FOCAD: variants seen among roughly 807,000 people sequenced by gnomAD.
FOCAD encodes focadhesin, also known as KIAA1797.
A neutral mutation model predicts 225.6 loss-of-function variants in FOCAD; 198 were observed. That is an observed-to-expected ratio of 0.88 (90% CI 0.78 to 0.99). FOCAD has a LOEUF of 0.99. FOCAD is among the 50% of genes least tolerant of loss of function. FOCAD has a pLI of 0.00. For missense variants in FOCAD, 2,713 were observed against 2,123.6 expected, an observed-to-expected ratio of 1.28 and a Z score of -5.46; for synonymous variants, 897 against 755.0, an observed-to-expected ratio of 1.19 and a Z score of -3.08.
At chr9:20,776,989 T>C (rs1818820789) in intron 8 of FOCAD, among the ~76,000 whole-genome samples, 2 of 152,242 alleles carry the variant, frequency 1.3e-5, no homozygotes. Flanking sequence ...CTTCATTGTT[T>C]TCGACTGTAT....
At chr9:20,952,694 G>A (rs1181491151) in intron 34 of FOCAD, among the ~76,000 whole-genome samples, 7 of 147,054 alleles carry the variant, frequency 4.8e-5, no homozygotes, top group African/African-American at 1.5e-4. Flanking sequence ...TGTGGAAAGG[G>A]TTTTTTTTTT....
intron 4 of FOCAD, among the ~76,000 whole-genome samples, chr9:20,731,020 G>A (rs1359666503): frequency 1.3e-5 from 2 of 152,152 alleles, no homozygotes; most frequent in African/African-American, 2.4e-5. Flanking sequence ...CAGATCACCT[G>A]AGGTCAGGAG....
At chr9:20,721,085 G>A (rs959961878) in intron 4 of FOCAD, among the ~76,000 whole-genome samples, 4 of 152,174 alleles carry the variant, frequency 2.6e-5, no homozygotes, top group Admixed American at 6.6e-5. Context: ...AGGACAATAA[G>A]GAATAAGAGG....
chr9:20,828,555 T>C (rs1052853151), intron 15 of FOCAD, among the ~76,000 whole-genome samples: 2 of 152,124 alleles, frequency 1.3e-5, no homozygotes, highest in Non-Finnish European at 2.9e-5. Flanking sequence ...GCACCAGCAT[T>C]GTAAGAAGGT....
intron 8 of FOCAD, among the ~76,000 whole-genome samples, chr9:20,772,023 A>G (rs905917529): frequency 3.3e-5 from 5 of 152,214 alleles, no homozygotes; most frequent in African/African-American, 9.6e-5. Flanking sequence ...GCTTTAACAA[A>G]TACATTTTGA....
intron 21 of FOCAD, among the ~76,000 whole-genome samples, chr9:20,898,438 G>A (rs1175460378): frequency 1.3e-5 from 2 of 150,696 alleles, no homozygotes; most frequent in African/African-American, 4.9e-5. Flanking sequence ...TTTCCTCTTC[G>A]CTTTTTAGTT....
intron 15 of FOCAD, among the ~76,000 whole-genome samples, chr9:20,851,984 C>T (rs1827706180): frequency 6.6e-6 from 1 of 151,788 alleles, no homozygotes; most frequent in Non-Finnish European, 1.5e-5. Context: ...TATTAATTCT[C>T]TGGCCCTTGA....
At chr9:20,913,854 G>C (rs1006357686) in intron 23 of FOCAD, among the ~76,000 whole-genome samples, 4 of 152,130 alleles carry the variant, frequency 2.6e-5, no homozygotes. Context: ...TGGTGAAGTA[G>C]TATATTTGCT....
Position 20,981,498 on chromosome 9 carries a change from G to C in FOCAD, c.4450G>C (p.Gly1484Arg), listed in dbSNP as rs774784033. The change falls in exon 38 of 44, where the codon GGT (glycine) becomes CGT (arginine). Residue 1484 changes from glycine (G) to arginine (R), a missense_variant. By Grantham distance (125) the Gly-to-Arg change is moderately radical (BLOSUM62 -2). Coordinates refer to ENST00000338382, the MANE Select transcript of FOCAD (RefSeq NM_001375567.1). Reference protein sequence around the residue: ...IKHISDEQILGFVENLMVAVF... With the variant: ...IKHISDEQILRFVENLMVAVF... The stretch of plus-strand genomic sequence containing the variant: ...ACACATCTCTGATGAACAGATCCTG[G>C]GTTTTGTTGAAAATTTAATGGTGGC... 4.2e-5 allele frequency: 67 copies of C among 1,613,924 alleles called. No homozygotes were observed. The highest frequency in any genetic ancestry group is 5.3e-5 in the Non-Finnish European group (63 of 1,179,970).
chr9:20,908,072 T>A (rs1202829763), intron 22 of FOCAD, among the ~76,000 whole-genome samples: 3 of 152,140 alleles, frequency 2.0e-5, no homozygotes, highest in African/African-American at 7.2e-5. Flanking sequence ...AGTTATAGTT[T>A]GTGAATTTTT....
intron 1 of FOCAD, among the ~76,000 whole-genome samples, chr9:20,692,600 C>G (rs1180773811): frequency 6.6e-6 from 1 of 152,206 alleles, no homozygotes; most frequent in Non-Finnish European, 1.5e-5. Context: ...CTTGCCCGTG[C>G]TCACTCATGT....
chr9:20,912,752 T>C, intron 22 of FOCAD, 114 bp from the exon 23 acceptor site: 1 of 741,172 alleles, frequency 1.3e-6, no homozygotes, highest in Non-Finnish European at 2.3e-6. Flanking sequence ...TCTAATGTCT[T>C]ACCCAGAACA....
At chr9:20,819,695 A>G in intron 11 of FOCAD, 101 bp from the exon 12 acceptor site, 3 of 532,322 alleles carry the variant, frequency 5.6e-6, no homozygotes, top group Non-Finnish European at 9.5e-6. Flanking sequence ...CAATTCATTC[A>G]TATTCATATT....
At chr9:20,836,909 G>C (rs1358288290) in intron 15 of FOCAD, among the ~76,000 whole-genome samples, 5 of 151,876 alleles carry the variant, frequency 3.3e-5, no homozygotes, top group African/African-American at 1.2e-4. Context: ...AGAAAAATTT[G>C]GAGATCATGG....
chr9:20,778,664 C>G lies in FOCAD; in HGVS notation c.907-17C>G. The G allele has an allele frequency of 6.8e-7, 1 of 1,461,086 alleles. No individual in the cohort carries two copies. The highest frequency in any genetic ancestry group is 1.2e-5 in the South Asian group (1 of 86,712). The allele number at this position is 1,461,086 out of a possible 1,614,324, so 90.5% of individuals were successfully genotyped here. On this transcript the variant is annotated splice_polypyrimidine_tract_variant and intron_variant, in intron 8 of 43. Coordinates refer to ENST00000338382, the MANE Select transcript of FOCAD (RefSeq NM_001375567.1). ...GAACTTCTTTAACAACTCCTTTTTC[C>G]CCCTCTATTCTTTTAGGATTTTCCT...
chr9:20,680,711 A>G (rs1822376041), upstream of FOCAD, among the ~76,000 whole-genome samples: 1 of 152,188 alleles, frequency 6.6e-6, no homozygotes, highest in African/African-American at 2.4e-5. Context: ...TTACACCTAT[A>G]ATCCCAGCAT....
At chr9:20,769,160 T>G (rs1338999489) in intron 7 of FOCAD, among the ~76,000 whole-genome samples, 1 of 152,246 alleles carries the variant, frequency 6.6e-6, no homozygotes, top group Non-Finnish European at 1.5e-5. Context: ...TTTCTGCTAT[T>G]TCTTCTCTTT....
chr9:20,798,979 A>G (rs185822192), intron 11 of FOCAD, among the ~76,000 whole-genome samples: 65 of 152,172 alleles, frequency 4.3e-4, no homozygotes, highest in Middle Eastern at 3.4e-3. Flanking sequence ...TCTCTTGTGG[A>G]CATTTATTGC....
At chr9:20,664,016 G>A (rs1384046714) in intron 2 of FOCAD, among the ~76,000 whole-genome samples, 1 of 151,992 alleles carries the variant, frequency 6.6e-6, no homozygotes, top group East Asian at 1.9e-4. Flanking sequence ...GATCCACTGA[G>A]ACAGTAAATT....
Sources: gnomAD v4.1 joint callset for allele counts (sites outside exome capture counted in the v4.1 genomes callset) on GRCh38, gnomAD v4.1.1 for gene constraint, MANE v1.5 for transcripts, NCBI Gene and HGNC (gene_info 2026-07-23, HGNC 2026-07-21) for gene names.